KIAA1328: variants seen among roughly 807,000 people sequenced by gnomAD.
The protein encoded by KIAA1328 is protein hinderin.
KIAA1328 carries 52 observed loss-of-function variants against 68.1 expected under a neutral mutation model. That is an observed-to-expected ratio of 0.76 (90% CI 0.61 to 0.96). The LOEUF (loss-of-function observed/expected upper bound fraction) is 0.96. Among genes scored for constraint, KIAA1328 ranks in the 40% least tolerant of loss-of-function variants. KIAA1328 has a pLI of 0.00. For synonymous variants in KIAA1328, 232 were observed against 239.4 expected (o/e 0.97, Z 0.28); for missense variants, 641 against 677.6 (o/e 0.95, Z 0.60).
chr18:37,089,801 T>C (rs1226157982), intron 7 of KIAA1328, among the ~76,000 whole-genome samples: 1 of 152,194 alleles, frequency 6.6e-6, no homozygotes, highest in Non-Finnish European at 1.5e-5. Flanking sequence ...CTTATTGGAG[T>C]ATGCAAAATT....
intron 6 of KIAA1328, among the ~76,000 whole-genome samples, chr18:37,034,041 G>T (rs1238141999): frequency 1.3e-5 from 2 of 152,080 alleles, no homozygotes; most frequent in African/African-American, 4.8e-5. Context: ...TGTGTTCCTT[G>T]TTACTCCAAA....
At chr18:37,126,226 A>T (rs941503774) in intron 7 of KIAA1328, among the ~76,000 whole-genome samples, 1 of 152,318 alleles carries the variant, frequency 6.6e-6, no homozygotes, top group South Asian at 2.1e-4. Context: ...AAAATATCTC[A>T]TATGTATGCA....
intron 5 of KIAA1328, among the ~76,000 whole-genome samples, chr18:36,956,640 G>A (rs2051431361): frequency 6.6e-6 from 1 of 152,016 alleles, no homozygotes; most frequent in Non-Finnish European, 1.5e-5. Flanking sequence ...CACATAGCAT[G>A]TGTTTAAATG....
chr18:36,961,193 A>G (rs1342539085), intron 6 of KIAA1328, among the ~76,000 whole-genome samples: 2 of 152,376 alleles, frequency 1.3e-5, no homozygotes, highest in East Asian at 3.9e-4. Flanking sequence ...AGCTGATTCA[A>G]TCAAGTGGAA....
intron 7 of KIAA1328, among the ~76,000 whole-genome samples, chr18:37,090,308 T>C (rs2057233122): frequency 2.0e-5 from 3 of 152,280 alleles, no homozygotes; most frequent in African/African-American, 7.2e-5. Flanking sequence ...TGAAATTAAA[T>C]TTTATTTAGG....
chr18:37,084,035 A>C lies in KIAA1328; in HGVS notation c.1232+16490A>C, dbSNP rs574034574. ...TTTAATTGGAAAATAATTTCTGGGG[A>C]TCTAGCTGAAAGAGCATGGTTTTCC... On this transcript the variant is annotated intron_variant, in intron 7 of 9. Transcript: ENST00000280020. 7 of 516,930 alleles carry C rather than the reference A, an allele frequency of 1.4e-5. No individual in the cohort carries two copies. In the South Asian group the frequency reaches 5.2e-4, roughly 39 times the overall value. 32.0% of individuals were successfully genotyped at this position (516,930 alleles called of 1,614,324 possible).
At chr18:37,112,091 G>C (rs552866977) in intron 7 of KIAA1328, among the ~76,000 whole-genome samples, 1 of 152,170 alleles carries the variant, frequency 6.6e-6, no homozygotes, top group Non-Finnish European at 1.5e-5. Flanking sequence ...CTCCACCTCC[G>C]GGGGCAAGGC....
At chr18:37,041,458 A>C (rs1187783695) in intron 6 of KIAA1328, among the ~76,000 whole-genome samples, 2 of 151,804 alleles carry the variant, frequency 1.3e-5, no homozygotes, top group Admixed American at 6.6e-5. Flanking sequence ...GACCACATAC[A>C]TTTGGACCTT....
chr18:36,941,287 T>C (rs771677771), intron 5 of KIAA1328, among the ~76,000 whole-genome samples: 18 of 152,158 alleles, frequency 1.2e-4, no homozygotes, highest in Non-Finnish European at 2.4e-4. Context: ...GAGAGAGCCT[T>C]TCTAGCCTTT....
At chr18:36,880,273 T>G (rs886533835) in intron 4 of KIAA1328, among the ~76,000 whole-genome samples, 2 of 152,158 alleles carry the variant, frequency 1.3e-5, no homozygotes, top group African/African-American at 2.4e-5. Context: ...TTCCCTTTGC[T>G]AGTGGAGGGA....
At chr18:37,197,135 T>A (rs1445321749) in intron 9 of KIAA1328, among the ~76,000 whole-genome samples, 3 of 152,026 alleles carry the variant, frequency 2.0e-5, no homozygotes, top group Non-Finnish European at 4.4e-5. Flanking sequence ...TCTGTTTGGT[T>A]TTTTCCCCCA....
chr18:37,014,327 C>T (rs568781012), intron 6 of KIAA1328, among the ~76,000 whole-genome samples: 9 of 152,216 alleles, frequency 5.9e-5, no homozygotes, highest in South Asian at 2.1e-4. Context: ...GCTCTGCAGA[C>T]GTTCTTTAGT....
chr18:36,866,999 G>T (rs537267556), intron 4 of KIAA1328, among the ~76,000 whole-genome samples: 1 of 152,138 alleles, frequency 6.6e-6, no homozygotes. Flanking sequence ...TTTTCAGAAG[G>T]ATATAATATT....
intron 5 of KIAA1328, among the ~76,000 whole-genome samples, chr18:36,943,256 A>T (rs1431810518): frequency 6.6e-6 from 1 of 152,206 alleles, no homozygotes; most frequent in East Asian, 1.9e-4. Flanking sequence ...TTTATAAAGG[A>T]ACAAAAATTT....
chr18:36,921,936 T>G (rs544476723), intron 5 of KIAA1328, among the ~76,000 whole-genome samples: 54 of 152,168 alleles, frequency 3.5e-4, no homozygotes, highest in African/African-American at 1.3e-3. Context: ...TGAAAATATT[T>G]TTTTTTTTGA....
At chr18:37,194,644 A>G (rs1048713454) in intron 9 of KIAA1328, among the ~76,000 whole-genome samples, 2 of 151,882 alleles carry the variant, frequency 1.3e-5, no homozygotes, top group Non-Finnish European at 2.9e-5. Context: ...ATAGTTTGTT[A>G]TGGTTGCTTT....
At chr18:37,184,938 C>T (rs760961954) in intron 9 of KIAA1328, among the ~76,000 whole-genome samples, 79 of 151,728 alleles carry the variant, frequency 5.2e-4, no homozygotes, top group Non-Finnish European at 9.0e-4. Context: ...CTGAGACGGG[C>T]GGATCACGAG....
chr18:36,892,381 G>C (rs1170055597), intron 5 of KIAA1328, among the ~76,000 whole-genome samples: 1 of 152,164 alleles, frequency 6.6e-6, no homozygotes, highest in Non-Finnish European at 1.5e-5. Flanking sequence ...AAATAGAAGA[G>C]AAGGGATATG....
At chr18:36,926,403 T>TTATTTATG (rs1556823744) in intron 5 of KIAA1328, among the ~76,000 whole-genome samples, 8 of 151,490 alleles carry the variant, frequency 5.3e-5, no homozygotes, top group South Asian at 2.1e-4. Context: ...ATTTATTTAT[T>TTATTTATG]TATTTATTTA....
Sources: gnomAD v4.1 joint callset for allele counts (sites outside exome capture counted in the v4.1 genomes callset) on GRCh38, gnomAD v4.1.1 for gene constraint, MANE v1.5 for transcripts, NCBI Gene and HGNC (gene_info 2026-07-23, HGNC 2026-07-21) for gene names.